The following KIAA1549 variants were observed in gnomAD, a reference collection of about 807,000 sequenced individuals.
The protein encoded by KIAA1549 is UPF0606 protein KIAA1549.
A neutral mutation model predicts 156.4 loss-of-function variants in KIAA1549; 70 were observed. The observed-to-expected ratio is 0.45, with a 90% CI of 0.37 to 0.55. KIAA1549 has a LOEUF of 0.55. Ranked by LOEUF, KIAA1549 falls within the 20% of genes least tolerant of loss-of-function variation. The pLI, the probability that KIAA1549 is intolerant of heterozygous loss-of-function variation, is 0.00. For synonymous variants in KIAA1549, 1,103 were observed against 1,066.4 expected (o/e 1.03, Z -0.67); for missense variants, 2,428 against 2,540.9 (o/e 0.96, Z 0.96).
intron 1 of KIAA1549, among the ~76,000 whole-genome samples, chr7:138,978,617 C>T (rs901036341): frequency 6.6e-6 from 1 of 152,124 alleles, no homozygotes; most frequent in African/African-American, 2.4e-5. Flanking sequence ...CAAAAGTTAA[C>T]AAGAGAAGCC....
intron 1 of KIAA1549, among the ~76,000 whole-genome samples, chr7:138,938,382 T>G (rs1409904495): frequency 6.6e-6 from 1 of 152,220 alleles, no homozygotes; most frequent in Non-Finnish European, 1.5e-5. Flanking sequence ...CAAGCACACA[T>G]ATTATTCATT....
chr7:138,885,822 T>C (rs1013073061), intron 10 of KIAA1549, among the ~76,000 whole-genome samples: 7 of 152,190 alleles, frequency 4.6e-5, no homozygotes, highest in South Asian at 2.1e-4. Flanking sequence ...CAAAAAGCGA[T>C]GGTGGGAACC....
rs1043413443 is a variant in KIAA1549, at chr7:138,833,858, T to C, written c.*4048A>G. On this transcript the variant is annotated 3_prime_UTR_variant, in exon 20 of 20. Coordinates refer to ENST00000422774, the MANE Select transcript of KIAA1549 (RefSeq NM_001164665.2). ...ATCTTCACAGCCCTGGTCGTTTCCT[T>C]GCTGCATGACTGCAAAAGCATCCTT... The C allele has an allele frequency of 8.6e-6, 2 of 233,016 alleles. No individual in the cohort carries two copies. The highest frequency in any genetic ancestry group is 1.2e-4 in the East Asian group (2 of 16,570). The allele number at this position is 233,016 out of a possible 1,614,324, so 14.4% of individuals were successfully genotyped here. A position where few individuals can be genotyped will look rare whatever the true frequency, so the allele number is the denominator to read the frequency against.
intron 18 of KIAA1549, among the ~76,000 whole-genome samples, chr7:138,842,378 C>G (rs879842303): frequency 1.3e-5 from 2 of 152,226 alleles, no homozygotes; most frequent in Admixed American, 1.3e-4. Context: ...TTCCTCACTT[C>G]TCCAGCAGGA....
intron 18 of KIAA1549, among the ~76,000 whole-genome samples, chr7:138,843,373 T>C (rs961383581): frequency 1.3e-5 from 2 of 152,182 alleles, no homozygotes; most frequent in Non-Finnish European, 1.5e-5. Flanking sequence ...CCCACTTAAT[T>C]TATATGAGGT....
rs999710690 is a variant in KIAA1549 at position 138,928,246 on chromosome 7, C to T, written c.188-8808G>A. Among the ~76,000 whole-genome samples the T allele has an allele frequency of 2.6e-5, 4 of 151,242 alleles. No homozygotes were observed. In the East Asian group the frequency reaches 7.8e-4, roughly 30 times the overall value. On this transcript the variant is annotated intron_variant, in intron 1 of 19. Transcript: ENST00000422774. ...TACTATTGTCTTTTCAATCCTACTG[C>T]CCATTTTTCTTTTGGGTTGTCTGTC...
At position 138,918,406 on chromosome 7, in the gene KIAA1549, T is replaced by A. The variant is rs375361081; in HGVS notation, c.1220A>T (p.His407Leu). Reference protein sequence around the residue: ...SALPGPVDNTHILSPVSSFRP... With the variant: ...SALPGPVDNTLILSPVSSFRP... ...GAATGAGGACACCGGGCTCAGGATA[T>A]GAGTGTTGTCCACAGGACCGGGGAG... The change falls in exon 2 of 20, where the codon CAT (histidine) becomes CTT (leucine). Residue 407 changes from histidine to leucine, a missense_variant. Coordinates refer to ENST00000422774, the MANE Select transcript of KIAA1549 (RefSeq NM_001164665.2). The surrounding 1 kb of genome is among the most constrained non-coding windows in gnomAD (Gnocchi z 4.2). The A allele has an allele frequency of 6.2e-7, 1 of 1,613,888 alleles. No homozygotes were observed. The highest frequency in any genetic ancestry group is 8.5e-7 in the Non-Finnish European group (1 of 1,179,868).
chr7:138,919,365 G>A lies in KIAA1549; in HGVS notation c.261C>T (p.His87=), dbSNP rs141812444. 1,136 of 1,614,040 alleles carry A rather than the reference G, an allele frequency of 7.0e-4. 11 individuals carry two copies. The African/African-American group carries it at 0.013, about 19-fold the overall frequency. Residue 87 remains histidine, a synonymous_variant, in exon 2 of 20, where the codon CAC becomes CAT. Transcript: ENST00000422774. The part of the protein sequence containing the change: ...MELVLKKSTG[H]SAAQVALTET... ...CTGTTAAGGCCACTTGTGCAGCGCTGTGCCCAGTGCTTTTCTTCAGCACGA... is the reference window on the plus strand; with the variant it reads ...CTGTTAAGGCCACTTGTGCAGCGCTATGCCCAGTGCTTTTCTTCAGCACGA...
At chr7:138,894,551 T>C (rs375690336) in intron 9 of KIAA1549, 25 bp from the exon 10 acceptor site, 60 of 1,611,514 alleles carry the variant, frequency 3.7e-5, no homozygotes, top group African/African-American at 8.0e-5. Flanking sequence ...GAAAGGTCTT[T>C]CAATAATTCC....
intron 1 of KIAA1549, among the ~76,000 whole-genome samples, chr7:138,968,353 A>C (rs1241163391): frequency 2.6e-5 from 4 of 152,236 alleles, no homozygotes; most frequent in South Asian, 4.1e-4. Flanking sequence ...AAAAATAAAA[A>C]TTAAAAAAAT....
Position 138,837,015 on chromosome 7 carries a change from T to A in KIAA1549, c.*891A>T. ...CAGTTAGGACCTCTTGAAAGCCGCATTCTACAGGATCGGCCTTAGCGATCG... is the reference window on the plus strand; with the variant it reads ...CAGTTAGGACCTCTTGAAAGCCGCAATCTACAGGATCGGCCTTAGCGATCG... On this transcript the variant is annotated 3_prime_UTR_variant, in exon 20 of 20. Coordinates refer to ENST00000422774, the MANE Select transcript of KIAA1549 (RefSeq NM_001164665.2). 1 of 229,146 alleles carries A rather than the reference T, an allele frequency of 4.4e-6. No individual in the cohort carries two copies. The highest frequency in any genetic ancestry group is 8.7e-6 in the Non-Finnish European group (1 of 115,490). 14.2% of individuals were successfully genotyped at this position (229,146 alleles called of 1,614,324 possible). A position where few individuals can be genotyped will look rare whatever the true frequency, so the allele number is the denominator to read the frequency against.
chr7:138,858,374 G>A lies in KIAA1549; in HGVS notation c.5247+2765C>T, dbSNP rs79980889. On this transcript the variant is annotated intron_variant, in intron 16 of 19. Coordinates refer to ENST00000422774, the MANE Select transcript of KIAA1549 (RefSeq NM_001164665.2). Reference sequence around the variant, plus strand: ...GCCTCCCAAGGTGCTGGGATTACAGGTGTGAGCCACCACATACAGCTTGTC... The same window carrying A: ...GCCTCCCAAGGTGCTGGGATTACAGATGTGAGCCACCACATACAGCTTGTC... Among the ~76,000 whole-genome samples, 122 of 152,248 alleles carry A rather than the reference G, an allele frequency of 8.0e-4. No individual in the cohort carries two copies. The East Asian group carries it at 0.02, about 25-fold the overall frequency.
chr7:138,853,622 C>T (rs1162997049), intron 16 of KIAA1549, among the ~76,000 whole-genome samples: 1 of 152,138 alleles, frequency 6.6e-6, no homozygotes, highest in African/African-American at 2.4e-5. Flanking sequence ...AATATGAAAC[C>T]GTGGTCAGAT....
chr7:138,856,990 C>G (rs941329288), intron 16 of KIAA1549, among the ~76,000 whole-genome samples: 5 of 152,202 alleles, frequency 3.3e-5, no homozygotes, highest in Non-Finnish European at 1.5e-5. Flanking sequence ...CTCTGACTGA[C>G]TGCATGAGCT....
intron 17 of KIAA1549, among the ~76,000 whole-genome samples, chr7:138,846,679 C>T (rs190471168): frequency 2.6e-5 from 4 of 151,986 alleles, no homozygotes; most frequent in East Asian, 1.9e-4. Context: ...CTCACAGACA[C>T]GCCCTCCCCC....
intron 10 of KIAA1549, among the ~76,000 whole-genome samples, chr7:138,890,136 G>C (rs184131007): frequency 5.3e-4 from 80 of 152,300 alleles, no homozygotes; most frequent in Non-Finnish European, 1.1e-3. Context: ...CACAGTGTCT[G>C]TGCCCCACCG....
chr7:138,877,033 A>T (rs181941759), intron 12 of KIAA1549, among the ~76,000 whole-genome samples: 401 of 152,286 alleles, frequency 2.6e-3, no homozygotes, highest in Non-Finnish European at 4.6e-3. Flanking sequence ...AAGAAGCCTA[A>T]AGAGAGCCGG....
chr7:138,875,614 G>A (rs1175955022), intron 12 of KIAA1549, among the ~76,000 whole-genome samples: 2 of 152,114 alleles, frequency 1.3e-5, no homozygotes, highest in Non-Finnish European at 2.9e-5. Flanking sequence ...CACTGCACTC[G>A]AGACTGGGTA....
In KIAA1549 at chr7:138,844,304, C is replaced by T. The variant is rs1351044867; in HGVS notation, c.5452+13G>A. On this transcript the variant is annotated intron_variant, in intron 18 of 19. Coordinates refer to ENST00000422774, the MANE Select transcript of KIAA1549 (RefSeq NM_001164665.2). ...CCGTAGCTCAGAAATGGAAGCTAAA[C>T]AGCCACATATACCTGTGGTACCCCC... The T allele has an allele frequency of 6.2e-7, 1 of 1,613,838 alleles. No homozygotes were observed. Among genetic ancestry groups the T allele is most frequent in the Admixed American group, 1.7e-5 (1 of 60,034 alleles).
Sources: gnomAD v4.1 joint callset for allele counts (sites outside exome capture counted in the v4.1 genomes callset) on GRCh38, gnomAD v4.1.1 for gene constraint, Gnocchi (gnomAD v3.1) non-coding constraint, MANE v1.5 for transcripts, NCBI Gene and HGNC (gene_info 2026-07-23, HGNC 2026-07-21) for gene names.